Variants in TBC1D22A observed in about 807,000 individuals in gnomAD.
The protein encoded by TBC1D22A is putative GTPase activator.
A neutral mutation model predicts 60.2 loss-of-function variants in TBC1D22A; 38 were observed. The ratio of observed to expected loss-of-function variants is 0.63; its 90% CI spans 0.49 to 0.83. The LOEUF (loss-of-function observed/expected upper bound fraction) is 0.83. Among genes scored for constraint, TBC1D22A ranks in the 40% least tolerant of loss-of-function variants. The pLI, the probability that TBC1D22A is intolerant of heterozygous loss-of-function variation, is 0.00. For missense variants in TBC1D22A, 628 were observed against 701.0 expected (o/e 0.90, Z 1.18); for synonymous variants, 302 against 281.7 (o/e 1.07, Z -0.72).
intron 1 of TBC1D22A, among the ~76,000 whole-genome samples, chr22:46,773,714 C>T (rs536583677): frequency 3.3e-4 from 51 of 152,242 alleles, no homozygotes; most frequent in Middle Eastern, 3.4e-3. Context: ...TCAGGTGATC[C>T]GCCCACCTTG....
chr22:46,892,999 G>A (rs893586593), intron 6 of TBC1D22A, among the ~76,000 whole-genome samples: 1 of 152,228 alleles, frequency 6.6e-6, no homozygotes, highest in Non-Finnish European at 1.5e-5. Flanking sequence ...GCAGAGCTGG[G>A]CCCGGTGGGG....
chr22:46,823,618 T>C (rs1428163568), intron 4 of TBC1D22A, among the ~76,000 whole-genome samples: 2 of 152,194 alleles, frequency 1.3e-5, no homozygotes, highest in Non-Finnish European at 2.9e-5. Flanking sequence ...ACGGGGAGGA[T>C]TCAATGAATT....
intron 12 of TBC1D22A, among the ~76,000 whole-genome samples, chr22:47,141,156 A>G (rs1159386990): frequency 6.6e-6 from 1 of 152,180 alleles, no homozygotes; most frequent in Non-Finnish European, 1.5e-5. Context: ...ACTGCCCTTT[A>G]TAAAACCATC....
chr22:46,904,142 T>TCTATCTATCTACCTACCTACCTAC (rs57116517), intron 7 of TBC1D22A, among the ~76,000 whole-genome samples: 1 of 134,500 alleles, frequency 7.4e-6, no homozygotes, highest in African/African-American at 3.0e-5. Flanking sequence ...TATCTATCTA[T>TCTATCTATCTACCTACCTACCTAC]CTACCTACCT....
chr22:47,168,768 C>T (rs1038572129), intron 12 of TBC1D22A, among the ~76,000 whole-genome samples: 2 of 150,540 alleles, frequency 1.3e-5, no homozygotes, highest in East Asian at 3.9e-4. Context: ...AGGCCTGGCA[C>T]GCGGGGGAGG....
intron 11 of TBC1D22A, among the ~76,000 whole-genome samples, chr22:47,062,561 C>G (rs1296581638): frequency 2.0e-5 from 3 of 152,038 alleles, no homozygotes; most frequent in Non-Finnish European, 4.4e-5. Context: ...GTGCATGGTG[C>G]TTCCTCTAGC....
intron 12 of TBC1D22A, among the ~76,000 whole-genome samples, chr22:47,140,679 G>A (rs1186997117): frequency 1.3e-5 from 2 of 152,246 alleles, no homozygotes; most frequent in East Asian, 3.8e-4. Flanking sequence ...TGCAGGGGAT[G>A]CCTGCCCCTG....
At chr22:47,109,070 G>A (rs1285901691) in intron 11 of TBC1D22A, among the ~76,000 whole-genome samples, 1 of 152,208 alleles carries the variant, frequency 6.6e-6, no homozygotes, top group Non-Finnish European at 1.5e-5. Flanking sequence ...AACAAAAACT[G>A]ATAGGTAGTT....
intron 10 of TBC1D22A, among the ~76,000 whole-genome samples, chr22:47,033,805 G>T (rs112963228): frequency 6.6e-6 from 1 of 152,130 alleles, no homozygotes; most frequent in Non-Finnish European, 1.5e-5. Flanking sequence ...TGGTCACCTG[G>T]TGCCACCGCA....
chr22:47,165,448 C>T (rs557814977), intron 12 of TBC1D22A, among the ~76,000 whole-genome samples: 139 of 152,310 alleles, frequency 9.1e-4, no homozygotes, highest in African/African-American at 3.1e-3. Flanking sequence ...CCCTCGCCAT[C>T]GCCATCTCAT....
chr22:46,944,969 A>G lies in TBC1D22A; in HGVS notation c.1016-29321A>G, dbSNP rs375340578. Among the ~76,000 whole-genome samples the G allele has an allele frequency of 2.6e-5, 4 of 152,220 alleles. No individual in the cohort carries two copies. In the South Asian group the frequency reaches 6.2e-4, roughly 24 times the overall value. Reference sequence around the variant, plus strand: ...AATTAAATATGTATAGATTATCTCAATTTCTGTCATCTTGTGCCTGAGAGA... The same window carrying G: ...AATTAAATATGTATAGATTATCTCAGTTTCTGTCATCTTGTGCCTGAGAGA... On this transcript the variant is annotated intron_variant, in intron 8 of 12. Coordinates refer to ENST00000337137, the MANE Select transcript of TBC1D22A (RefSeq NM_014346.5).
At chr22:46,799,581 T>G (rs2084810192) in intron 4 of TBC1D22A, among the ~76,000 whole-genome samples, 1 of 152,208 alleles carries the variant, frequency 6.6e-6, no homozygotes, top group African/African-American at 2.4e-5. Context: ...CCCTCTTTTT[T>G]CTTAGTCCAG....
At chr22:47,158,877 C>A (rs1364396802) in intron 12 of TBC1D22A, among the ~76,000 whole-genome samples, 2 of 152,044 alleles carry the variant, frequency 1.3e-5, no homozygotes, top group Non-Finnish European at 2.9e-5. Context: ...GTCCCCTCCC[C>A]AGGCCACACA....
intron 12 of TBC1D22A, among the ~76,000 whole-genome samples, chr22:47,151,384 A>G (rs2067495586): frequency 1.3e-5 from 2 of 152,230 alleles, no homozygotes; most frequent in South Asian, 4.1e-4. Context: ...CAGCAGAAAA[A>G]TCAATGTGAG....
chr22:47,090,575 T>C (rs2064881165), intron 11 of TBC1D22A, among the ~76,000 whole-genome samples: 1 of 152,206 alleles, frequency 6.6e-6, no homozygotes, highest in African/African-American at 2.4e-5. Flanking sequence ...CCTGGGGGTG[T>C]CCGGTGGTGG....
chr22:46,896,279 A>G (rs1465126094), intron 7 of TBC1D22A, among the ~76,000 whole-genome samples: 1 of 151,240 alleles, frequency 6.6e-6, no homozygotes, highest in Non-Finnish European at 1.5e-5. Context: ...GTCAGTTTGT[A>G]TGTTGTAAAG....
chr22:47,016,371 A>T (rs1217725675), intron 10 of TBC1D22A, among the ~76,000 whole-genome samples: 5 of 151,880 alleles, frequency 3.3e-5, no homozygotes, highest in Non-Finnish European at 7.4e-5. Context: ...ATGAGTGGTT[A>T]CCTACAGCTG....
At chr22:46,812,464 C>T (rs1365691277) in intron 4 of TBC1D22A, among the ~76,000 whole-genome samples, 1 of 152,186 alleles carries the variant, frequency 6.6e-6, no homozygotes, top group Non-Finnish European at 1.5e-5. Context: ...AGTTTGCAGG[C>T]TCTGGGGCTC....
intron 8 of TBC1D22A, among the ~76,000 whole-genome samples, chr22:46,966,799 A>G (rs1361318525): frequency 7.2e-5 from 11 of 152,158 alleles, no homozygotes; most frequent in Admixed American, 5.2e-4. Flanking sequence ...CTTCACAGAC[A>G]CTGTCCTGTT....
Sources: allele counts gnomAD v4.1 joint callset (sites outside exome capture counted in the v4.1 genomes callset), GRCh38; gene constraint gnomAD v4.1.1; transcripts MANE v1.5; gene names NCBI Gene and HGNC (gene_info 2026-07-23, HGNC 2026-07-21).